Variants in SLC38A1 observed in about 807,000 individuals in gnomAD.
SLC38A1 encodes the protein solute carrier family 38 member 1.
Under a neutral mutation model 60.3 loss-of-function variants are expected in SLC38A1, and 18 were observed. The observed-to-expected ratio is 0.30, with a 90% CI of 0.21 to 0.44. The LOEUF is 0.44. SLC38A1 is among the 20% of genes least tolerant of loss of function. SLC38A1 has a pLI of 1.00. For missense variants in SLC38A1, 448 were observed against 587.2 expected (o/e 0.76, Z 2.45); for synonymous variants, 196 against 212.1 (o/e 0.92, Z 0.66).
At chr12:46,243,733 G>A (rs1258837668) in intron 1 of SLC38A1, among the ~76,000 whole-genome samples, 1 of 152,200 alleles carries the variant, frequency 6.6e-6, no homozygotes, top group Non-Finnish European at 1.5e-5. Flanking sequence ...GTCATCATGT[G>A]AAGATCTTGG....
intron 8 of SLC38A1, among the ~76,000 whole-genome samples, chr12:46,206,365 GA>G (rs954971347): frequency 6.8e-5 from 10 of 148,012 alleles, no homozygotes; most frequent in Non-Finnish European, 1.2e-4. Context: ...CCCTGTAATG[GA>G]AGAGGGAATA....
chr12:46,250,950 T>G (rs562598766), intron 1 of SLC38A1, among the ~76,000 whole-genome samples: 1 of 152,292 alleles, frequency 6.6e-6, no homozygotes, highest in East Asian at 1.9e-4. Flanking sequence ...GCCATCCTCA[T>G]CAAGCTACCA....
At chr12:46,200,215 T>C (rs1489236518) in intron 13 of SLC38A1, among the ~76,000 whole-genome samples, 1 of 152,194 alleles carries the variant, frequency 6.6e-6, no homozygotes, top group Non-Finnish European at 1.5e-5. Flanking sequence ...TCTCTATTGC[T>C]AGTGAAAACA....
chr12:46,259,358 A>G (rs1431365235), intron 1 of SLC38A1, among the ~76,000 whole-genome samples: 1 of 152,194 alleles, frequency 6.6e-6, no homozygotes, highest in Non-Finnish European at 1.5e-5. Context: ...AACAGGCTAA[A>G]CAGGTTAACT....
At chr12:46,216,617 G>A (rs947354603) in intron 5 of SLC38A1, among the ~76,000 whole-genome samples, 2 of 152,206 alleles carry the variant, frequency 1.3e-5, no homozygotes, top group Admixed American at 1.3e-4. Context: ...TTGGGAGGCA[G>A]AGGTGGGCAG....
intron 5 of SLC38A1, among the ~76,000 whole-genome samples, chr12:46,226,430 A>C (rs1035360679): frequency 1.3e-5 from 2 of 152,112 alleles, no homozygotes; most frequent in Non-Finnish European, 2.9e-5. Flanking sequence ...GAAATAAAAA[A>C]TTCAATAAAG....
chr12:46,203,344 A>G (rs918973541), intron 11 of SLC38A1, among the ~76,000 whole-genome samples: 2 of 152,172 alleles, frequency 1.3e-5, no homozygotes, highest in Non-Finnish European at 2.9e-5. Context: ...TACTCCAGGT[A>G]TACAACACCC....
intron 13 of SLC38A1, among the ~76,000 whole-genome samples, 169 bp from the exon 14 acceptor site, chr12:46,198,912 G>A (rs1235464830): frequency 6.6e-6 from 1 of 152,196 alleles, no homozygotes; most frequent in Non-Finnish European, 1.5e-5. Flanking sequence ...TGTAAGACAT[G>A]CTCCACTGTG....
chr12:46,190,308 T>C (rs894954637), intron 16 of SLC38A1, among the ~76,000 whole-genome samples: 1 of 152,240 alleles, frequency 6.6e-6, no homozygotes, highest in Non-Finnish European at 1.5e-5. Flanking sequence ...ATGGTGTACA[T>C]GTGCCACATT....
At chr12:46,265,540 G>C (rs1290844545) in intron 1 of SLC38A1, among the ~76,000 whole-genome samples, 2 of 152,182 alleles carry the variant, frequency 1.3e-5, no homozygotes, top group Non-Finnish European at 2.9e-5. Context: ...TGAACTGTGA[G>C]AAAGAAAATA....
At chr12:46,210,797 C>A (rs1460473082) in intron 5 of SLC38A1, among the ~76,000 whole-genome samples, 1 of 152,180 alleles carries the variant, frequency 6.6e-6, no homozygotes, top group Non-Finnish European at 1.5e-5. Context: ...AATTGTGAGG[C>A]CTCCCCAGCC....
At chr12:46,245,527 T>C (rs1941586261) in intron 1 of SLC38A1, among the ~76,000 whole-genome samples, 1 of 152,212 alleles carries the variant, frequency 6.6e-6, no homozygotes, top group Non-Finnish European at 1.5e-5. Flanking sequence ...GGTAGTTTGG[T>C]GCACCATTAT....
chr12:46,245,690 A>G (rs1414736904), intron 1 of SLC38A1, among the ~76,000 whole-genome samples: 6 of 152,178 alleles, frequency 3.9e-5, no homozygotes, highest in Non-Finnish European at 8.8e-5. Flanking sequence ...TCAAGACTCC[A>G]CTGAGCTGTG....
chr12:46,256,859 C>G (rs570137304), intron 1 of SLC38A1, among the ~76,000 whole-genome samples: 9 of 152,294 alleles, frequency 5.9e-5, no homozygotes, highest in Non-Finnish European at 8.8e-5. Flanking sequence ...GCTTAACACC[C>G]AATATCAAAC....
chr12:46,268,914 T>A lies in SLC38A1; in HGVS notation c.-597A>T, dbSNP rs1336398199. ...TCACGAATCGGAGTCATTCTCCTAC[T>A]GGGGGACGCGTGGCCCTTCCGCAAC... On this transcript the variant is annotated 5_prime_UTR_variant, in exon 1 of 17. Transcript: ENST00000398637. The surrounding 1 kb of genome is among the most constrained non-coding windows in gnomAD (Gnocchi z 4.4). 2.9e-5 allele frequency: 13 copies of A among 455,774 alleles called. No individual in the cohort carries two copies. The highest frequency in any genetic ancestry group is 4.4e-6 in the Non-Finnish European group (1 of 226,434). The allele number at this position is 455,774 out of a possible 1,614,324, so 28.2% of individuals were successfully genotyped here. A position where few individuals can be genotyped will look rare whatever the true frequency, so the allele number is the denominator to read the frequency against.
At chr12:46,252,502 T>C (rs960313550) in intron 1 of SLC38A1, among the ~76,000 whole-genome samples, 6 of 151,938 alleles carry the variant, frequency 3.9e-5, no homozygotes, top group African/African-American at 1.4e-4. Context: ...AGAAGTATAA[T>C]AAAATATATA....
chr12:46,257,217 C>G (rs2138880712), intron 1 of SLC38A1, among the ~76,000 whole-genome samples: 1 of 152,322 alleles, frequency 6.6e-6, no homozygotes, highest in East Asian at 1.9e-4. Context: ...CACCCACAGC[C>G]ATCAGCAGAG....
At chr12:46,189,464 C>T (rs186502691) in intron 16 of SLC38A1, among the ~76,000 whole-genome samples, 1 of 152,200 alleles carries the variant, frequency 6.6e-6, no homozygotes, top group East Asian at 1.9e-4. Flanking sequence ...ACCAACTTAG[C>T]TTATCACTGG....
chr12:46,209,801 G>T (rs1180892185), intron 5 of SLC38A1, among the ~76,000 whole-genome samples: 1 of 152,044 alleles, frequency 6.6e-6, no homozygotes, highest in African/African-American at 2.4e-5. Flanking sequence ...TTTTGTTTTA[G>T]TACATCTGGG....
Sources: gnomAD v4.1 joint callset for allele counts (sites outside exome capture counted in the v4.1 genomes callset) on GRCh38, gnomAD v4.1.1 for gene constraint, Gnocchi (gnomAD v3.1) non-coding constraint, MANE v1.5 for transcripts, NCBI Gene and HGNC (gene_info 2026-07-23, HGNC 2026-07-21) for gene names.